TET3: variants seen among roughly 807,000 people sequenced by gnomAD.
TET3 encodes the protein methylcytosine dioxygenase TET3.
A neutral mutation model predicts 141.4 loss-of-function variants in TET3; 19 were observed. The ratio of observed to expected loss-of-function variants is 0.13; its 90% confidence interval spans 0.09 to 0.20. The LOEUF (loss-of-function observed/expected upper bound fraction) is 0.20. TET3 is among the 10% of genes least tolerant of loss of function. The probability of loss-of-function intolerance (pLI) is 1.00; values close to 1 mark genes in which losing one functional copy is unlikely to be tolerated. For synonymous variants in TET3, 1,043 were observed against 980.9 expected, an observed-to-expected ratio of 1.06 and a Z score of -1.18; for missense variants, 1,874 against 2,356.9, an observed-to-expected ratio of 0.80 and a Z score of 4.24.
intron 5 of TET3, among the ~76,000 whole-genome samples, chr2:74,079,229 C>T (rs533508314): frequency 2.0e-3 from 307 of 152,302 alleles, no homozygotes; most frequent in African/African-American, 6.9e-3. Context: ...CACCTGTAAT[C>T]CCAGCTACTC....
chr2:74,017,983 T>C (rs1685823491), intron 3 of TET3, among the ~76,000 whole-genome samples: 1 of 137,950 alleles, frequency 7.2e-6, no homozygotes, highest in Non-Finnish European at 1.6e-5. Flanking sequence ...TTTTTTTTTT[T>C]TGAGACGGAG....
At chr2:74,048,443 A>G (rs754727306) in intron 4 of TET3, 32 bp downstream of exon 4, 10 of 1,569,758 alleles carry the variant, frequency 6.4e-6, no homozygotes, top group Non-Finnish European at 8.6e-6. Context: ...GGAAGGGCAG[A>G]GAAAGGGCTG....
chr2:74,085,179 T>C (rs1039712652), intron 6 of TET3, among the ~76,000 whole-genome samples: 5 of 151,794 alleles, frequency 3.3e-5, no homozygotes, highest in Admixed American at 3.3e-4. Context: ...ATTGGAGCAC[T>C]CATGTTTTTG....
rs1279478806 is a variant in TET3 at position 73,986,915 on chromosome 2, A to G, written c.303+209A>G. Among the ~76,000 whole-genome samples the G allele has an allele frequency of 2.6e-5, 4 of 152,156 alleles. No individual in the cohort carries two copies. The East Asian group carries it at 7.7e-4, about 29-fold the overall frequency. On this transcript the variant is annotated intron_variant, in intron 2 of 11. Transcript: ENST00000409262. Reference sequence around the variant, plus strand: ...AGTAACTGGGTAGAAGGGGGATCTGAGCTAGCACCCTCATCTCTGATGTTT... The same window carrying G: ...AGTAACTGGGTAGAAGGGGGATCTGGGCTAGCACCCTCATCTCTGATGTTT...
In TET3 at chr2:74,107,637, C is replaced by T. The variant is rs534811138; in HGVS notation, c.*5461C>T. 1 of 152,264 alleles carries T rather than the reference C, an allele frequency of 6.6e-6. No homozygotes were observed. Among genetic ancestry groups the T allele is most frequent in the African/African-American group, 2.4e-5 (1 of 41,548 alleles). The allele number at this position is 152,264 out of a possible 1,614,324, so 9.4% of individuals were successfully genotyped here. Reference sequence around the variant, plus strand: ...CAGGTCGTATAATGGCATATTAATACATTAGACTTAATCTAGAACCCCTGT... The same window carrying T: ...CAGGTCGTATAATGGCATATTAATATATTAGACTTAATCTAGAACCCCTGT... On this transcript the variant is annotated 3_prime_UTR_variant, in exon 12 of 12. Transcript: ENST00000409262.
chr2:74,001,545 TGGAG>T (rs1684848824), intron 2 of TET3, among the ~76,000 whole-genome samples: 1 of 152,198 alleles, frequency 6.6e-6, no homozygotes, highest in Admixed American at 6.5e-5. Context: ...TAGGTAGTGA[TGGAG>T]CCTGGAGTTT....
Position 74,093,298 on chromosome 2 carries a change from ACAAGG to A in TET3, c.3130-225_3130-221del, listed in dbSNP as rs1408308342. Reference sequence around the variant, plus strand: ...CACCTGTCACCCTTGTATCTCCTAGACAAGGCAAGGGGACTTGGGATAACCCAGAA... The same window carrying A: ...CACCTGTCACCCTTGTATCTCCTAGACAAGGGGACTTGGGATAACCCAGAA... On this transcript the variant is annotated intron_variant, in intron 9 of 11. Coordinates refer to ENST00000409262, the MANE Select transcript of TET3 (RefSeq NM_001287491.2). This position sits in a 1 kb window ranked among gnomAD's most constrained non-coding sequence, Gnocchi z 4.2. Among the ~76,000 whole-genome samples the A allele has an allele frequency of 6.6e-6, 1 of 152,132 alleles. No homozygotes were observed. Among genetic ancestry groups the A allele is most frequent in the African/African-American group, 2.4e-5 (1 of 41,418 alleles).
downstream of TET3, among the ~76,000 whole-genome samples, chr2:74,109,721 T>G (rs141736401): frequency 3.8e-3 from 576 of 152,334 alleles, 4 homozygotes; most frequent in Middle Eastern, 0.014. Flanking sequence ...CTCCCCACCG[T>G]GCCCCCGTCT....
At chr2:74,057,989 C>A (rs1460223117) in intron 4 of TET3, among the ~76,000 whole-genome samples, 2 of 151,824 alleles carry the variant, frequency 1.3e-5, no homozygotes, top group Non-Finnish European at 2.9e-5. Flanking sequence ...TTGTTTAAAC[C>A]GCTGATTTAT....
At chr2:74,088,083 C>T (rs766799889) in intron 7 of TET3, 45 bp downstream of exon 7, 2 of 1,531,962 alleles carry the variant, frequency 1.3e-6, no homozygotes, top group Non-Finnish European at 8.8e-7. Flanking sequence ...CTATAGGGTC[C>T]TGGGCAGCAA....
At chr2:74,037,908 A>T (rs887626259) in intron 3 of TET3, among the ~76,000 whole-genome samples, 2 of 152,224 alleles carry the variant, frequency 1.3e-5, no homozygotes, top group African/African-American at 4.8e-5. Flanking sequence ...ACCTGGTGTC[A>T]TATCTGTATC....
chr2:74,064,475 C>T lies in TET3; in HGVS notation c.2495-9074C>T, dbSNP rs552929849. Among the ~76,000 whole-genome samples, 14 of 152,284 alleles carry T rather than the reference C, an allele frequency of 9.2e-5. No homozygotes were observed. The South Asian group carries it at 1.9e-3, about 20-fold the overall frequency. ...AGTTCGGTGGTGTGATTCCCACTCA[C>T]TACAACCTCTGCCTCCCAGGCTCAA... is the stretch of plus-strand genomic sequence containing the variant. On this transcript the variant is annotated intron_variant, in intron 4 of 11. Transcript: ENST00000409262.
At chr2:74,014,356 C>G (rs183386979) in intron 3 of TET3, among the ~76,000 whole-genome samples, 3 of 151,836 alleles carry the variant, frequency 2.0e-5, no homozygotes, top group African/African-American at 7.3e-5. Context: ...GATGATATAC[C>G]CAGCATGAGA....
At position 73,991,590 on chromosome 2, in the gene TET3, G is replaced by A. The variant is rs571844220; in HGVS notation, c.303+4884G>A. The stretch of plus-strand genomic sequence containing the variant: ...CATGTAGATCAGGGGTTCCACATTG[G>A]GATCACCTGGGAAATGTAGCAAAAC... On this transcript the variant is annotated intron_variant, in intron 2 of 11. Coordinates refer to ENST00000409262, the MANE Select transcript of TET3 (RefSeq NM_001287491.2). Among the ~76,000 whole-genome samples the A allele has an allele frequency of 3.3e-5, 5 of 152,044 alleles. No individual in the cohort carries two copies. In the South Asian group the frequency reaches 1.0e-3, roughly 32 times the overall value.
chr2:74,003,264 C>T, intron 3 of TET3, 98 bp downstream of exon 3: 1 of 1,471,806 alleles, frequency 6.8e-7, no homozygotes, highest in Non-Finnish European at 9.2e-7. Context: ...TCTGGTGATC[C>T]CTTAATCTCC....
chr2:73,991,609 G>C (rs1236538187), intron 2 of TET3, among the ~76,000 whole-genome samples: 1 of 151,968 alleles, frequency 6.6e-6, no homozygotes, highest in Non-Finnish European at 1.5e-5. Context: ...GGGAAATGTA[G>C]CAAAACATGG....
intron 3 of TET3, among the ~76,000 whole-genome samples, chr2:74,003,735 C>T (rs1401142241): frequency 2.0e-5 from 3 of 151,208 alleles, no homozygotes; most frequent in Admixed American, 1.3e-4. Context: ...ACTGGGAATC[C>T]GGCGGGCGTC....
chr2:74,059,485 C>T (rs542051948), intron 4 of TET3, among the ~76,000 whole-genome samples: 2 of 152,324 alleles, frequency 1.3e-5, no homozygotes, highest in African/African-American at 2.4e-5. Flanking sequence ...GAACTCCTGA[C>T]CTGAGGTGAT....
At chr2:74,007,072 C>A (rs889258090) in intron 3 of TET3, among the ~76,000 whole-genome samples, 1 of 152,086 alleles carries the variant, frequency 6.6e-6, no homozygotes, top group Non-Finnish European at 1.5e-5. Flanking sequence ...TAAGAGAAAT[C>A]ATTATTATTT....
Sources: allele counts gnomAD v4.1 joint callset (sites outside exome capture counted in the v4.1 genomes callset), GRCh38; gene constraint gnomAD v4.1.1; non-coding constraint Gnocchi (gnomAD v3.1); transcripts MANE v1.5; gene names NCBI Gene and HGNC (gene_info 2026-07-23, HGNC 2026-07-21).